CCDC102B: variants seen among roughly 807,000 people sequenced by gnomAD.
CCDC102B encodes coiled-coil domain containing 102B.
In CCDC102B, 75 loss-of-function variants were observed where a neutral mutation model predicts 57.4. That is an observed-to-expected ratio of 1.31 (90% confidence interval 1.08 to 1.58). The LOEUF is 1.58. Among genes scored for constraint, CCDC102B ranks in the 40% most tolerant of loss-of-function variants. The pLI is 0.00. For missense variants in CCDC102B, 636 were observed against 582.6 expected, an observed-to-expected ratio of 1.09 and a Z score of -0.94; for synonymous variants, 206 against 201.9, an observed-to-expected ratio of 1.02 and a Z score of -0.17.
intron 1 of CCDC102B, among the ~76,000 whole-genome samples, chr18:68,822,123 T>G (rs1408511930): frequency 6.6e-6 from 1 of 152,172 alleles, no homozygotes; most frequent in African/African-American, 2.4e-5. Context: ...TGGCTGGGCA[T>G]GGTGGCTCAC....
chr18:68,729,588 A>G (rs769867007), intron 2 of CCDC102B, among the ~76,000 whole-genome samples: 2 of 152,228 alleles, frequency 1.3e-5, no homozygotes, highest in Non-Finnish European at 2.9e-5. Context: ...TACTCAGACA[A>G]TTTTAATCCC....
chr18:69,042,172 A>G (rs1019447753), intron 7 of CCDC102B, among the ~76,000 whole-genome samples: 13 of 152,120 alleles, frequency 8.5e-5, no homozygotes, highest in African/African-American at 3.1e-4. Flanking sequence ...TTTTTCAAAA[A>G]TCACGTAATA....
chr18:68,989,189 A>C (rs662932), intron 6 of CCDC102B, among the ~76,000 whole-genome samples: 27,664 of 152,122 alleles, frequency 0.18, 4,990 homozygotes, highest in African/African-American at 0.45. Flanking sequence ...TCAGATACAA[A>C]CTAAATATTT....
chr18:69,033,050 T>G (rs976732584), intron 7 of CCDC102B, among the ~76,000 whole-genome samples: 2 of 152,146 alleles, frequency 1.3e-5, no homozygotes, highest in African/African-American at 4.8e-5. Flanking sequence ...AATCAATTTT[T>G]AAAGATTTTA....
At chr18:68,796,842 CAT>C (rs1491307366), upstream of CCDC102B, among the ~76,000 whole-genome samples, 1 of 34,860 alleles carries the variant, frequency 2.9e-5, no homozygotes, top group African/African-American at 6.0e-5. Flanking sequence ...TATGTACATG[CAT>C]GTGTGTGTGT....
At chr18:69,024,142 CTT>C (rs553091519) in intron 7 of CCDC102B, among the ~76,000 whole-genome samples, 5 of 152,122 alleles carry the variant, frequency 3.3e-5, no homozygotes, top group South Asian at 4.1e-4. Flanking sequence ...CAAGGACAGA[CTT>C]ATATCTTTAG....
At chr18:68,718,546 C>T (rs538733622) in intron 2 of CCDC102B, among the ~76,000 whole-genome samples, 5 of 152,264 alleles carry the variant, frequency 3.3e-5, no homozygotes, top group East Asian at 3.9e-4. Flanking sequence ...GTTCACATTG[C>T]GAAAATGTGT....
At chr18:68,851,688 A>G (rs2038131966) in intron 4 of CCDC102B, among the ~76,000 whole-genome samples, 2 of 152,184 alleles carry the variant, frequency 1.3e-5, no homozygotes, top group Non-Finnish European at 2.9e-5. Context: ...AAGTTAAGCA[A>G]CATCATTTTA....
At chr18:69,036,066 T>C (rs1312174054) in intron 7 of CCDC102B, among the ~76,000 whole-genome samples, 1 of 152,072 alleles carries the variant, frequency 6.6e-6, no homozygotes, top group Non-Finnish European at 1.5e-5. Flanking sequence ...CTATTGCTAA[T>C]GGAAAGATGT....
At chr18:68,806,843 C>T (rs1184376010) in intron 1 of CCDC102B, among the ~76,000 whole-genome samples, 2 of 152,086 alleles carry the variant, frequency 1.3e-5, no homozygotes, top group Non-Finnish European at 1.5e-5. Flanking sequence ...TACATTTTTA[C>T]GTTTCATGCT....
At chr18:69,013,733 A>G (rs935521434) in intron 7 of CCDC102B, among the ~76,000 whole-genome samples, 1 of 152,182 alleles carries the variant, frequency 6.6e-6, no homozygotes, top group Non-Finnish European at 1.5e-5. Context: ...GCAAATGCTT[A>G]AAAAAAGTGA....
chr18:68,904,245 T>G lies in CCDC102B; in HGVS notation c.1263+6817T>G, dbSNP rs558059675. Among the ~76,000 whole-genome samples, 8 of 152,248 alleles carry G rather than the reference T, an allele frequency of 5.3e-5. No homozygotes were observed. The South Asian group carries it at 1.7e-3, about 32-fold the overall frequency. On this transcript the variant is annotated intron_variant, in intron 6 of 7. Coordinates refer to ENST00000360242, the MANE Select transcript of CCDC102B (RefSeq NM_024781.3). Reference sequence around the variant, plus strand: ...TTTTAAATGTAGCTGTTAATAAAAATTTACGTTATTATGGAGAGGTTTTGA... The same window carrying G: ...TTTTAAATGTAGCTGTTAATAAAAAGTTACGTTATTATGGAGAGGTTTTGA...
At chr18:68,723,909 C>G (rs192257650) in intron 2 of CCDC102B, among the ~76,000 whole-genome samples, 260 of 152,322 alleles carry the variant, frequency 1.7e-3, no homozygotes, top group African/African-American at 6.2e-3. Context: ...GAAACATTTC[C>G]CTTCTGCCCT....
At chr18:68,960,199 C>T (rs1164543241) in intron 6 of CCDC102B, among the ~76,000 whole-genome samples, 1 of 152,122 alleles carries the variant, frequency 6.6e-6, no homozygotes, top group Non-Finnish European at 1.5e-5. Flanking sequence ...GTTCTTTAGT[C>T]AGCATGCAAT....
Position 68,846,441 on chromosome 18 carries a change from A to G in CCDC102B, c.936+20A>G, listed in dbSNP as rs1378625327. 2.8e-6 allele frequency: 4 copies of G among 1,439,928 alleles called. No homozygotes were observed. The South Asian group carries it at 5.0e-5, about 18-fold the overall frequency. The allele number at this position is 1,439,928 out of a possible 1,614,324, so 89.2% of individuals were successfully genotyped here. Reference sequence around the variant, plus strand: ...AAAGAGGTATGGGGGAATATGATGTAAAGGAAGAAATGAAGCCTAGCTTTT... The same window carrying G: ...AAAGAGGTATGGGGGAATATGATGTGAAGGAAGAAATGAAGCCTAGCTTTT... On this transcript the variant is annotated intron_variant, in intron 4 of 7. Coordinates refer to ENST00000360242, the MANE Select transcript of CCDC102B (RefSeq NM_024781.3).
intron 7 of CCDC102B, 106 bp downstream of exon 7, chr18:69,011,210 A>T: frequency 1.0e-6 from 1 of 986,930 alleles, no homozygotes; most frequent in Non-Finnish European, 1.5e-6. Context: ...TGGGATATAA[A>T]TATTCATATC....
chr18:68,787,776 C>T (rs1450656257), intron 2 of CCDC102B, among the ~76,000 whole-genome samples: 28 of 151,652 alleles, frequency 1.8e-4, no homozygotes, highest in Non-Finnish European at 3.4e-4. Flanking sequence ...TTTCAAAAAA[C>T]CAGCTCCTGG....
At chr18:68,999,998 T>A (rs1192440970) in intron 6 of CCDC102B, among the ~76,000 whole-genome samples, 1 of 152,150 alleles carries the variant, frequency 6.6e-6, no homozygotes, top group African/African-American at 2.4e-5. Context: ...CTCTGGGAAT[T>A]GTAGAAAAGA....
At chr18:68,905,414 C>A (rs2040591893) in intron 6 of CCDC102B, among the ~76,000 whole-genome samples, 1 of 149,766 alleles carries the variant, frequency 6.7e-6, no homozygotes, top group South Asian at 2.1e-4. Context: ...AACTAAAATG[C>A]AAGTTTGAGT....
Sources: allele counts gnomAD v4.1 joint callset (sites outside exome capture counted in the v4.1 genomes callset), GRCh38; gene constraint gnomAD v4.1.1; transcripts MANE v1.5; gene names NCBI Gene and HGNC (gene_info 2026-07-23, HGNC 2026-07-21).